SEPTIN11: variants seen among roughly 807,000 people sequenced by gnomAD.
SEPTIN11 encodes septin 11.
SEPTIN11 carries 25 observed loss-of-function variants against 51.4 expected under a neutral mutation model. That is an observed-to-expected ratio of 0.49 (90% CI 0.35 to 0.68). SEPTIN11 has a LOEUF of 0.68. Among genes scored for constraint, SEPTIN11 ranks in the 30% least tolerant of loss-of-function variants. The pLI is 0.00. For synonymous variants in SEPTIN11, 174 were observed against 184.1 expected, an observed-to-expected ratio of 0.95 and a Z score of 0.44; for missense variants, 381 against 520.8, an observed-to-expected ratio of 0.73 and a Z score of 2.61.
At chr4:76,971,558 T>C (rs1260434173) in intron 1 of SEPTIN11, among the ~76,000 whole-genome samples, 1 of 148,590 alleles carries the variant, frequency 6.7e-6, no homozygotes, top group African/African-American at 2.6e-5. Flanking sequence ...AATTTTTAGC[T>C]TAAGATTAGA....
chr4:76,974,747 G>A (rs1028456513), intron 1 of SEPTIN11: 16 of 456,556 alleles, frequency 3.5e-5, no homozygotes, highest in African/African-American at 2.2e-4. Flanking sequence ...TGTTGGAGCT[G>A]GGCTGCAGAT....
At chr4:77,013,589 A>G (rs907377365) in intron 4 of SEPTIN11, among the ~76,000 whole-genome samples, 3 of 152,144 alleles carry the variant, frequency 2.0e-5, no homozygotes, top group African/African-American at 7.2e-5. Context: ...TGATCCAAAC[A>G]TTTCCCCCAC....
chr4:77,028,555 T>C lies in SEPTIN11; in HGVS notation c.954-74T>C, dbSNP rs1021412943. On this transcript the variant is annotated intron_variant, in intron 7 of 9. Transcript: ENST00000264893. ...TATCTATGTTTTGAAAGTAGATAGGTAGAAATTATGTGAACTGAAATTTCT... is the reference window on the plus strand; with the variant it reads ...TATCTATGTTTTGAAAGTAGATAGGCAGAAATTATGTGAACTGAAATTTCT... The C allele has an allele frequency of 3.5e-6, 5 of 1,432,600 alleles. No individual in the cohort carries two copies. In the African/African-American group the frequency reaches 7.2e-5, roughly 21 times the overall value. The allele number at this position is 1,432,600 out of a possible 1,614,324, so 88.7% of individuals were successfully genotyped here. A position where few individuals can be genotyped will look rare whatever the true frequency, so the allele number is the denominator to read the frequency against.
intron 1 of SEPTIN11, 116 bp downstream of exon 1, chr4:76,950,046 G>C: frequency 8.7e-7 from 1 of 1,147,030 alleles, no homozygotes; most frequent in Non-Finnish European, 1.1e-6. Flanking sequence ...CGGCGGCGGC[G>C]ACGGCTGTGG....
rs1727104099 is a variant in SEPTIN11, at chr4:77,037,375, T to C, written c.*2863T>C. On this transcript the variant is annotated 3_prime_UTR_variant, in exon 10 of 10. Transcript: ENST00000264893. ...AGACTCTCCAAAAAAAAAAAAGAAA[T>C]TATTAATCCCTGCCTGTGCTCTACA... is the stretch of plus-strand genomic sequence containing the variant. The C allele has an allele frequency of 3.7e-5, 36 of 983,944 alleles. No individual in the cohort carries two copies. The highest frequency in any genetic ancestry group is 4.2e-5 in the Non-Finnish European group (35 of 829,108). The allele number at this position is 983,944 out of a possible 1,614,324, so 61.0% of individuals were successfully genotyped here.
intron 1 of SEPTIN11, among the ~76,000 whole-genome samples, chr4:76,965,565 A>G (rs1265030200): frequency 6.6e-6 from 1 of 150,936 alleles, no homozygotes; most frequent in Non-Finnish European, 1.5e-5. Context: ...CATATTATAT[A>G]TAATTTATTA....
rs1726903010 is a variant in SEPTIN11, at chr4:77,034,610, AT to A, written c.*105del. 7.3e-7 allele frequency: 1 copy of A among 1,366,082 alleles called. No homozygotes were observed. The allele number at this position is 1,366,082 out of a possible 1,614,324, so 84.6% of individuals were successfully genotyped here. On this transcript the variant is annotated 3_prime_UTR_variant, in exon 10 of 10. Coordinates refer to ENST00000264893, the MANE Select transcript of SEPTIN11 (RefSeq NM_018243.4). ...CTTTAGTTTTATTTTATTTTATTTT[AT>A]TTTTTTACCCTTCCTCAAACACCAG...
intron 1 of SEPTIN11, among the ~76,000 whole-genome samples, chr4:76,966,921 A>G (rs1442637673): frequency 2.0e-5 from 3 of 150,264 alleles, no homozygotes; most frequent in Non-Finnish European, 4.4e-5. Flanking sequence ...GTAGTTAGAA[A>G]AGTGCTTAAC....
rs1726901307 is a variant in SEPTIN11, at chr4:77,034,585, CTTTAGT to C, written c.*78_*83del. 1 of 1,454,604 alleles carries C rather than the reference CTTTAGT, an allele frequency of 6.9e-7. No individual in the cohort carries two copies. Among genetic ancestry groups the C allele is most frequent in the Middle Eastern group, 1.8e-4 (1 of 5,510 alleles). 90.1% of individuals were successfully genotyped at this position (1,454,604 alleles called of 1,614,324 possible). ...ATATCGTATCTCTGCCATGTGTGTT[CTTTAGT>C]TTTATTTTATTTTATTTTATTTTTT... On this transcript the variant is annotated 3_prime_UTR_variant, in exon 10 of 10. Transcript: ENST00000264893.
chr4:77,030,026 A>AGGT (rs1399744534), intron 8 of SEPTIN11, among the ~76,000 whole-genome samples: 2 of 152,098 alleles, frequency 1.3e-5, no homozygotes, highest in Non-Finnish European at 1.5e-5. Flanking sequence ...TGGGATGCCA[A>AGGT]GGTGGGAGGA....
chr4:77,031,157 A>G, intron 9 of SEPTIN11, 187 bp downstream of exon 9: 2 of 586,880 alleles, frequency 3.4e-6, no homozygotes, highest in Non-Finnish European at 5.8e-6. Context: ...ACAAAGATTA[A>G]TTTATAAAAC....
In SEPTIN11 at chr4:77,030,925, A is replaced by C. The variant is rs1726579002; in HGVS notation, c.1229A>C (p.Gln410Pro). ...GCTCAGTTACTACAGTCCCAGGCCC[A>C]GCAATCTGGGGCCCAGCAAACCAAG... ...AAAQLLQSQA[Q>P]QSGAQQTKKD... is the part of the protein sequence containing the mutation. The change falls in exon 9 of 10, where the codon CAG (glutamine) becomes CCG (proline). Residue 410 changes from glutamine to proline, a missense_variant. By Grantham distance (76) the Gln-to-Pro change is moderately conservative (BLOSUM62 -1). Around this residue, in one of 2 missense-constraint regions of SEPTIN11, gnomAD observed 197 missense variants for 313.1 expected, o/e 0.63. Transcript: ENST00000264893. 6.2e-7 allele frequency: 1 copy of C among 1,609,774 alleles called. No individual in the cohort carries two copies. The highest frequency in any genetic ancestry group is 8.5e-7 in the Non-Finnish European group (1 of 1,179,164).
At chr4:77,008,652 G>T (rs1022073651) in intron 3 of SEPTIN11, among the ~76,000 whole-genome samples, 1 of 152,104 alleles carries the variant, frequency 6.6e-6, no homozygotes. Flanking sequence ...TTTTTCCATC[G>T]GTTTTAGGGT....
rs141230028 is a variant in SEPTIN11 at position 76,998,886 on chromosome 4, G to T, written c.142+2347G>T. Among the ~76,000 whole-genome samples, 391 of 152,242 alleles carry T rather than the reference G, an allele frequency of 2.6e-3. 2 individuals carry two copies. The highest frequency in any genetic ancestry group is 0.014 in the Middle Eastern group (4 of 294). The stretch of plus-strand genomic sequence containing the variant: ...TGGCCAGGACTTAGTTACATGCTCA[G>T]CCTGGGGGGAAGATGGAGTCAGTTC... On this transcript the variant is annotated intron_variant, in intron 2 of 9. Transcript: ENST00000264893.
intron 9 of SEPTIN11, 68 bp downstream of exon 9, chr4:77,031,038 T>C: frequency 7.0e-7 from 1 of 1,431,660 alleles, no homozygotes; most frequent in South Asian, 1.3e-5. Context: ...GTCTCTACTT[T>C]TCCCATTTAC....
chr4:76,958,573 C>T (rs1383012833), intron 1 of SEPTIN11, among the ~76,000 whole-genome samples: 4 of 152,206 alleles, frequency 2.6e-5, no homozygotes, highest in Admixed American at 6.5e-5. Flanking sequence ...TAGTGTGGGG[C>T]TCGTCTTTTC....
Position 77,020,616 on chromosome 4 carries a change from G to A in SEPTIN11, c.899G>A (p.Cys300Tyr). 1.9e-6 allele frequency: 3 copies of A among 1,614,098 alleles called. No individual in the cohort carries two copies. Among genetic ancestry groups the A allele is most frequent in the Non-Finnish European group, 2.5e-6 (3 of 1,180,002 alleles). ...HTRHYELYRR[C>Y]KLEEMGFKDT... ...CGCCACTATGAATTGTACCGACGCT[G>A]TAAGCTTGAAGAGATGGGGTTCAAG... is the stretch of plus-strand genomic sequence containing the variant. The change falls in exon 7 of 10, where the codon TGT (cysteine) becomes TAT (tyrosine). Residue 300 changes from cysteine to tyrosine, a missense_variant. This residue lies in a region of SEPTIN11 where 197 missense variants were observed against 313.1 expected (regional missense o/e 0.63). Transcript: ENST00000264893.
At chr4:77,019,724 C>A (rs1725561621) in intron 6 of SEPTIN11, among the ~76,000 whole-genome samples, 1 of 152,204 alleles carries the variant, frequency 6.6e-6, no homozygotes. Flanking sequence ...CACTGTGGGA[C>A]ATGGCCACAG....
At position 77,012,909 on chromosome 4, in the gene SEPTIN11, C is replaced by T. The variant is rs984849766; in HGVS notation, c.525+988C>T. 3.3e-5 allele frequency among the ~76,000 whole-genome samples: 5 copies of T among 152,190 alleles called. No individual in the cohort carries two copies. In the South Asian group the frequency reaches 6.2e-4, roughly 19 times the overall value. On this transcript the variant is annotated intron_variant, in intron 4 of 9. Coordinates refer to ENST00000264893, the MANE Select transcript of SEPTIN11 (RefSeq NM_018243.4). ...GGATCACTGCAGCTAGAGTACTCTT[C>T]GCAGAATAAATAGAAACCCTCCTTC...
Sources: allele counts gnomAD v4.1 joint callset (sites outside exome capture counted in the v4.1 genomes callset), GRCh38; gene constraint gnomAD v4.1.1; regional missense constraint gnomAD v4.1.1; transcripts MANE v1.5; gene names NCBI Gene and HGNC (gene_info 2026-07-23, HGNC 2026-07-21).